Variants in HTR3A observed in about 807,000 individuals in gnomAD.
HTR3A encodes 5-hydroxytryptamine (serotonin) receptor 3A, ionotropic.
HTR3A carries 45 observed loss-of-function variants against 54.8 expected under a neutral mutation model. The ratio of observed to expected loss-of-function variants is 0.82; its 90% CI spans 0.65 to 1.05. The LOEUF is 1.05. Among genes scored for constraint, HTR3A ranks in the 50% least tolerant of loss-of-function variants. The pLI, the probability that HTR3A is intolerant of heterozygous loss-of-function variation, is 0.00. For synonymous variants in HTR3A, 297 were observed against 256.0 expected, an observed-to-expected ratio of 1.16 and a Z score of -1.53; for missense variants, 657 against 614.0, an observed-to-expected ratio of 1.07 and a Z score of -0.74.
At position 113,979,326 on chromosome 11, in the gene HTR3A, G is replaced by A. The variant is rs769628207; in HGVS notation, c.264+49G>A. The stretch of plus-strand genomic sequence containing the variant: ...CCCCCGTTACCCATCCTCCTGGGAA[G>A]GAGTCGGGAATTCGGGAGTTTCAGT... On this transcript the variant is annotated intron_variant, in intron 3 of 8. Coordinates refer to ENST00000504030, the MANE Select transcript of HTR3A (RefSeq NM_000869.6). 2.3e-5 allele frequency: 35 copies of A among 1,490,336 alleles called. No individual in the cohort carries two copies. The South Asian group carries it at 3.8e-4, about 16-fold the overall frequency. 92.3% of individuals were successfully genotyped at this position (1,490,336 alleles called of 1,614,324 possible).
chr11:113,987,943 G>A (rs1456886), intron 8 of HTR3A, among the ~76,000 whole-genome samples: 156 of 152,326 alleles, frequency 1.0e-3, no homozygotes, highest in African/African-American at 3.7e-3. Flanking sequence ...TTGTCTACAT[G>A]ATCACATGTA....
intron 1 of HTR3A, 39 bp from the exon 2 acceptor site, chr11:113,977,732 G>C: frequency 6.2e-7 from 1 of 1,608,060 alleles, no homozygotes; most frequent in Non-Finnish European, 8.5e-7. Flanking sequence ...GGGAAGTCTT[G>C]GGGGGCTGGT....
rs1228678724 is a variant in HTR3A, at chr11:113,983,105, C to T, written c.375-15C>T. 2.5e-6 allele frequency: 4 copies of T among 1,614,068 alleles called. No individual in the cohort carries two copies. Among genetic ancestry groups the T allele is most frequent in the African/African-American group, 2.7e-5 (2 of 74,924 alleles). ...GTCTCTTGAGCTCCCAAACTAACCC[C>T]TTTTCCCCCGCCAGCGTGGATGTGG... On this transcript the variant is annotated splice_polypyrimidine_tract_variant and intron_variant, in intron 4 of 8. Transcript: ENST00000504030.
chr11:113,977,678 A>T lies in HTR3A; in HGVS notation c.68-93A>T, dbSNP rs1193961127. On this transcript the variant is annotated intron_variant, in intron 1 of 8. Coordinates refer to ENST00000504030, the MANE Select transcript of HTR3A (RefSeq NM_000869.6). ...ATTTTGTGAGGTGGGGATGGTGGGG[A>T]TACGTCTCTTTTAACAGCTTACAAA... The T allele has an allele frequency of 5.2e-6, 8 of 1,532,962 alleles. No individual in the cohort carries two copies. The East Asian group carries it at 1.9e-4, about 37-fold the overall frequency. 95.0% of individuals were successfully genotyped at this position (1,532,962 alleles called of 1,614,324 possible).
rs1317082592 is a variant in HTR3A at position 113,977,563 on chromosome 11, G to A, written c.68-208G>A. The stretch of plus-strand genomic sequence containing the variant: ...TGCTTTCCTGTCAATGAATGCATAG[G>A]TCCTTTCTACAAGGTAATACATTTG... On this transcript the variant is annotated intron_variant, in intron 1 of 8. Transcript: ENST00000504030. 14 of 1,545,742 alleles carry A rather than the reference G, an allele frequency of 9.1e-6. No individual in the cohort carries two copies. The African/African-American group carries it at 1.6e-4, about 18-fold the overall frequency.
Position 113,975,259 on chromosome 11 carries a change from G to A in HTR3A, c.-67G>A. 1 of 1,534,732 alleles carries A rather than the reference G, an allele frequency of 6.5e-7. No individual in the cohort carries two copies. Among genetic ancestry groups the A allele is most frequent in the Non-Finnish European group, 9.0e-7 (1 of 1,116,742 alleles). On this transcript the variant is annotated 5_prime_UTR_variant, in exon 1 of 9. Transcript: ENST00000504030. ...GGGACATGAGGTTGGCAGAGGGCAG[G>A]CAAGCTGGCCCTTGGTGGGCCTCGT...
chr11:113,985,183 T>A, intron 5 of HTR3A, among the ~76,000 whole-genome samples: 1 of 152,216 alleles, frequency 6.6e-6, no homozygotes, highest in East Asian at 1.9e-4. Context: ...TACACATCTA[T>A]GGAAACTACA....
In HTR3A at chr11:113,986,008, C is replaced by A; in HGVS notation, c.545-7C>A. The stretch of plus-strand genomic sequence containing the variant: ...TTCCAAAGCTGGCTTGCTTTATTCT[C>A]TCTCAGTCCAGGACATCAACATCTC... On this transcript the variant is annotated splice_region_variant and splice_polypyrimidine_tract_variant and intron_variant, in intron 5 of 8. Transcript: ENST00000504030. 15 of 1,614,102 alleles carry A rather than the reference C, an allele frequency of 9.3e-6. No homozygotes were observed. The highest frequency in any genetic ancestry group is 1.3e-5 in the Non-Finnish European group (15 of 1,180,010).
rs1950373421 is a variant in HTR3A, at chr11:113,977,916, C to T, written c.213C>T (p.Leu71=). ...VSIDVIVYAI[L]NVDEKNQVLT... is the part of the protein sequence containing the mutation. ...TTGACGTCATTGTCTATGCCATCCT[C>T]AACGTGGTGAGGCTCAGCCCCGAGC... The change falls in exon 2 of 9, where the codon CTC becomes CTT. Residue 71 remains leucine (L), a synonymous_variant. Transcript: ENST00000504030. 1 of 1,614,200 alleles carries T rather than the reference C, an allele frequency of 6.2e-7. No homozygotes were observed. The highest frequency in any genetic ancestry group is 8.5e-7 in the Non-Finnish European group (1 of 1,180,044).
At position 113,986,863 on chromosome 11, in the gene HTR3A, AGTTTG is replaced by A; in HGVS notation, c.957_961del (p.Leu320ArgfsTer55). On this transcript the variant is annotated frameshift_variant, in exon 8 of 9. Coordinates refer to ENST00000504030, the MANE Select transcript of HTR3A (RefSeq NM_000869.6). LOFTEE classifies it high-confidence loss of function. ...GGTGTGCATGGCTCTGCTGGTGATAAGTTTGGCCGAGACCATCTTCATTGTGCGGC... is the reference window on the plus strand; with the variant it reads ...GGTGTGCATGGCTCTGCTGGTGATAAGCCGAGACCATCTTCATTGTGCGGC... 6.2e-7 allele frequency: 1 copy of A among 1,614,056 alleles called. No individual in the cohort carries two copies. Among genetic ancestry groups the A allele is most frequent in the South Asian group, 1.1e-5 (1 of 91,066 alleles).
chr11:113,977,726 A>G (rs191705088), intron 1 of HTR3A, 45 bp from the exon 2 acceptor site: 5 of 1,605,272 alleles, frequency 3.1e-6, no homozygotes, highest in South Asian at 1.1e-5. Context: ...AACCGGGGGA[A>G]GTCTTGGGGG....
chr11:113,981,357 C>A, intron 4 of HTR3A, 45 bp downstream of exon 4: 1 of 1,177,268 alleles, frequency 8.5e-7, no homozygotes, highest in Non-Finnish European at 1.3e-6. Context: ...GGCTTAGGAG[C>A]TGGAGAAGCC....
intron 8 of HTR3A, among the ~76,000 whole-genome samples, chr11:113,988,669 A>G (rs193201250): frequency 1.2e-3 from 175 of 152,170 alleles, no homozygotes; most frequent in African/African-American, 4.1e-3. Context: ...GAGGCTGAGG[A>G]AAGAGAATCG....
At chr11:113,981,582 A>G (rs1344319357) in intron 4 of HTR3A, among the ~76,000 whole-genome samples, 1 of 152,196 alleles carries the variant, frequency 6.6e-6, no homozygotes, top group African/African-American at 2.4e-5. Context: ...GAAAGAAACC[A>G]GTGAATGAAT....
chr11:113,983,283 C>T lies in HTR3A; in HGVS notation c.538C>T (p.His180Tyr), dbSNP rs762960635. The T allele has an allele frequency of 1.9e-6, 3 of 1,613,890 alleles. No homozygotes were observed. Among genetic ancestry groups the T allele is most frequent in the Non-Finnish European group, 2.5e-6 (3 of 1,180,040 alleles). ...CTCGCTGACCTTCACCAGTTGGCTG[C>T]ACACCAGTGAGTATGTGGGCTTCGC... ...NCSLTFTSWL[H>Y]TIQDINISLW... Residue 180 changes from histidine (H) to tyrosine (Y), a missense_variant, in exon 5 of 9, where the codon CAC (histidine) becomes TAC (tyrosine). Physicochemically the swap from His to Tyr is moderately conservative, Grantham distance 83. Transcript: ENST00000504030.
Position 113,986,648 on chromosome 11 carries a change from C to T in HTR3A, c.836C>T (p.Thr279Ile). 1.2e-6 allele frequency: 2 copies of T among 1,614,148 alleles called. No individual in the cohort carries two copies. The highest frequency in any genetic ancestry group is 2.2e-5 in the East Asian group (1 of 44,888). ...GGCGAGAGGGTCTCTTTCAAGATTA[C>T]ACTCCTCCTGGGCTACTCGGTCTTC... is the stretch of plus-strand genomic sequence containing the variant. ...NSGERVSFKI[T>I]LLLGYSVFLI... is the part of the protein sequence containing the mutation. The change falls in exon 7 of 9, where the codon ACA becomes ATA. Residue 279 changes from threonine to isoleucine, a missense_variant. Transcript: ENST00000504030.
intron 2 of HTR3A, 80 bp from the exon 3 acceptor site, chr11:113,979,153 C>T (rs1171844917): frequency 1.2e-5 from 13 of 1,086,286 alleles, no homozygotes; most frequent in Non-Finnish European, 1.9e-5. Flanking sequence ...ACAAGGAAGC[C>T]CCTCCTTTAG....
At position 113,986,075 on chromosome 11, in the gene HTR3A, TC is replaced by T; in HGVS notation, c.606del (p.Phe203SerfsTer2). On this transcript the variant is annotated frameshift_variant, in exon 6 of 9. Coordinates refer to ENST00000504030, the MANE Select transcript of HTR3A (RefSeq NM_000869.6). LOFTEE classifies it high-confidence loss of function. ...LPEKVKSDRS[V>X]FMNQGEWELL... The stretch of plus-strand genomic sequence containing the variant: ...GAAAAGGTGAAATCCGACAGGAGTG[TC>T]TTCATGAACCAGGGAGAGTGGGAGT... 6.2e-7 allele frequency: 1 copy of T among 1,614,170 alleles called. No individual in the cohort carries two copies. Among genetic ancestry groups the T allele is most frequent in the Non-Finnish European group, 8.5e-7 (1 of 1,180,024 alleles).
chr11:113,982,386 G>C (rs1333381644), intron 4 of HTR3A, among the ~76,000 whole-genome samples: 1 of 152,240 alleles, frequency 6.6e-6, no homozygotes, highest in Admixed American at 6.5e-5. Flanking sequence ...CCTCTACATA[G>C]CTCAGGCTGG....
Sources: gnomAD v4.1 joint callset for allele counts (sites outside exome capture counted in the v4.1 genomes callset) on GRCh38, gnomAD v4.1.1 for gene constraint, MANE v1.5 for transcripts, NCBI Gene and HGNC (gene_info 2026-07-23, HGNC 2026-07-21) for gene names.